Variants in RBMS1 observed in about 807,000 individuals in gnomAD.
RBMS1 encodes RNA-binding motif, single-stranded-interacting protein 1.
In RBMS1, 17 loss-of-function variants were observed where a neutral mutation model predicts 62.3. That is an observed-to-expected ratio of 0.27 (90% CI 0.19 to 0.41). RBMS1 has a LOEUF of 0.41. RBMS1 is among the 10% of genes least tolerant of loss of function. The pLI, the probability that RBMS1 is intolerant of heterozygous loss-of-function variation, is 1.00. For missense variants in RBMS1, 334 were observed against 504.5 expected (o/e 0.66, Z 3.24); for synonymous variants, 172 against 170.0 (o/e 1.01, Z -0.09).
chr2:160,370,852 T>G (rs1559459773), intron 1 of RBMS1, among the ~76,000 whole-genome samples: 1 of 136,212 alleles, frequency 7.3e-6, no homozygotes, highest in Non-Finnish European at 1.6e-5. Context: ...AAGTAAAAGG[T>G]GCCTTTAATG....
intron 1 of RBMS1, among the ~76,000 whole-genome samples, chr2:160,491,530 G>T (rs568553599): frequency 2.6e-4 from 39 of 152,324 alleles, no homozygotes; most frequent in African/African-American, 8.2e-4. Flanking sequence ...AAATGGCATT[G>T]CATTAGCTAC....
At chr2:160,463,012 T>C (rs1170784974) in intron 1 of RBMS1, among the ~76,000 whole-genome samples, 3 of 151,792 alleles carry the variant, frequency 2.0e-5, no homozygotes, top group South Asian at 2.1e-4. Flanking sequence ...ACAGTATACA[T>C]GAAAGGAAAA....
At chr2:160,310,418 A>G (rs1689785117) in intron 4 of RBMS1, among the ~76,000 whole-genome samples, 1 of 152,238 alleles carries the variant, frequency 6.6e-6, no homozygotes, top group Admixed American at 6.5e-5. Context: ...TATGAGTCTG[A>G]CATTCTATAA....
At chr2:160,483,365 C>T (rs1427564666) in intron 1 of RBMS1, among the ~76,000 whole-genome samples, 1 of 152,154 alleles carries the variant, frequency 6.6e-6, no homozygotes, top group African/African-American at 2.4e-5. Context: ...TAGGAGTATA[C>T]ATTTATCATA....
At chr2:160,309,471 T>C (rs1391864734) in intron 4 of RBMS1, among the ~76,000 whole-genome samples, 1 of 151,912 alleles carries the variant, frequency 6.6e-6, no homozygotes, top group Non-Finnish European at 1.5e-5. Flanking sequence ...ACAGGTAGAG[T>C]TGGCCCAGGG....
chr2:160,416,630 A>G (rs1260613429), intron 1 of RBMS1, among the ~76,000 whole-genome samples: 3 of 152,174 alleles, frequency 2.0e-5, no homozygotes, highest in Non-Finnish European at 4.4e-5. Flanking sequence ...TTGAACAGGT[A>G]GATACCCTCA....
intron 2 of RBMS1, among the ~76,000 whole-genome samples, chr2:160,344,880 T>C (rs1277175608): frequency 6.6e-6 from 1 of 152,014 alleles, no homozygotes; most frequent in Admixed American, 6.6e-5. Flanking sequence ...ATACAATAAC[T>C]CCCCAGACTA....
intron 2 of RBMS1, among the ~76,000 whole-genome samples, chr2:160,335,824 A>C (rs1354491759): frequency 6.6e-6 from 1 of 152,162 alleles, no homozygotes; most frequent in African/African-American, 2.4e-5. Flanking sequence ...TCATCCTGCC[A>C]GGTATTCTGT....
intron 2 of RBMS1, among the ~76,000 whole-genome samples, chr2:160,362,323 C>T (rs773860739): frequency 3.3e-5 from 5 of 152,196 alleles, no homozygotes; most frequent in South Asian, 2.1e-4. Flanking sequence ...ACCTAGCTTT[C>T]GGCCTGTCTC....
chr2:160,426,278 AAAG>A (rs1222319215), intron 1 of RBMS1, among the ~76,000 whole-genome samples: 952 of 119,870 alleles, frequency 7.9e-3, no homozygotes, highest in African/African-American at 0.014. Context: ...AGAAAGAAAG[AAAG>A]AAAGAAAGAA....
At chr2:160,441,146 C>T (rs906703450) in intron 1 of RBMS1, among the ~76,000 whole-genome samples, 2 of 152,056 alleles carry the variant, frequency 1.3e-5, no homozygotes, top group African/African-American at 4.8e-5. Flanking sequence ...TTGCAACTGG[C>T]TTCTTTCACT....
intron 2 of RBMS1, among the ~76,000 whole-genome samples, chr2:160,324,890 A>G (rs1023287621): frequency 3.5e-4 from 33 of 93,346 alleles, no homozygotes; most frequent in East Asian, 1.5e-3. Context: ...GTGTATATAT[A>G]TATATATATA....
chr2:160,390,688 CAAAAAAAA>C (rs34478081), intron 1 of RBMS1, among the ~76,000 whole-genome samples: 2 of 60,640 alleles, frequency 3.3e-5, no homozygotes, highest in African/African-American at 1.2e-4. Flanking sequence ...GACCCAGTCT[CAAAAAAAA>C]AAAAAAAAAA....
At chr2:160,322,850 T>C (rs916370897) in intron 2 of RBMS1, among the ~76,000 whole-genome samples, 2 of 152,110 alleles carry the variant, frequency 1.3e-5, no homozygotes, top group Non-Finnish European at 2.9e-5. Flanking sequence ...CAATGCAGTA[T>C]AGAACCAGTA....
intron 1 of RBMS1, among the ~76,000 whole-genome samples, chr2:160,416,599 G>A (rs968479372): frequency 3.3e-5 from 5 of 152,156 alleles, no homozygotes; most frequent in Middle Eastern, 3.4e-3. Flanking sequence ...CCCCTGCCCC[G>A]CCACCAGTGC....
intron 1 of RBMS1, among the ~76,000 whole-genome samples, chr2:160,373,941 A>AG (rs1693863412): frequency 6.6e-6 from 1 of 152,226 alleles, no homozygotes; most frequent in Admixed American, 6.5e-5. Context: ...GGCTTCACAG[A>AG]GGGGGTGGAT....
At chr2:160,378,633 G>T (rs1397657900) in intron 1 of RBMS1, among the ~76,000 whole-genome samples, 1 of 143,770 alleles carries the variant, frequency 7.0e-6, no homozygotes, top group African/African-American at 2.5e-5. Flanking sequence ...AAAAAAAAAA[G>T]CACTTTGATG....
At chr2:160,449,523 T>C (rs941862970) in intron 1 of RBMS1, among the ~76,000 whole-genome samples, 1 of 152,200 alleles carries the variant, frequency 6.6e-6, no homozygotes, top group African/African-American at 2.4e-5. Context: ...TCTATAACCT[T>C]ACCCCCAACC....
intron 2 of RBMS1, among the ~76,000 whole-genome samples, chr2:160,319,364 T>C (rs527949094): frequency 6.6e-6 from 1 of 152,140 alleles, no homozygotes; most frequent in East Asian, 1.9e-4. Context: ...ATACAAAAAT[T>C]AGCTGGGTAT....
Sources: allele counts gnomAD v4.1 joint callset (sites outside exome capture counted in the v4.1 genomes callset), GRCh38; gene constraint gnomAD v4.1.1; transcripts MANE v1.5; gene names NCBI Gene and HGNC (gene_info 2026-07-23, HGNC 2026-07-21).